ZNF236: variants seen among roughly 807,000 people sequenced by gnomAD.
The protein encoded by ZNF236 is regulated by glucose.
A neutral mutation model predicts 191.2 loss-of-function variants in ZNF236; 50 were observed. That is an observed-to-expected ratio of 0.26 (90% CI 0.21 to 0.33). The LOEUF is 0.33. Ranked by LOEUF, ZNF236 falls within the 10% of genes least tolerant of loss-of-function variation. The pLI, the probability that ZNF236 is intolerant of heterozygous loss-of-function variation, is 1.00. For missense variants in ZNF236, 1,754 were observed against 2,374.5 expected (o/e 0.74, Z 5.43); for synonymous variants, 907 against 928.8 (o/e 0.98, Z 0.43).
rs1968899882 is a variant in ZNF236, at chr18:76,970,934, G to T, written c.*2595G>T. On this transcript the variant is annotated 3_prime_UTR_variant, in exon 31 of 31. Coordinates refer to ENST00000320610, the MANE Select transcript of ZNF236 (RefSeq NM_001306089.2). Reference sequence around the variant, plus strand: ...CATGGCTCCGCGACAGCGAGCCGTGGGCGTCAGCACAGTGCCCTGTGCATG... The same window carrying T: ...CATGGCTCCGCGACAGCGAGCCGTGTGCGTCAGCACAGTGCCCTGTGCATG... Among the ~76,000 whole-genome samples, 1 of 152,260 alleles carries T rather than the reference G, an allele frequency of 6.6e-6. No individual in the cohort carries two copies. The highest frequency in any genetic ancestry group is 6.5e-5 in the Admixed American group (1 of 15,290).
rs1182269596 is a variant in ZNF236 at position 76,972,754 on chromosome 18, CTTT to C, written c.*4418_*4420del. Among the ~76,000 whole-genome samples the C allele has an allele frequency of 6.6e-5, 10 of 152,036 alleles. No individual in the cohort carries two copies. The highest frequency in any genetic ancestry group is 4.4e-5 in the Non-Finnish European group (3 of 68,006). ...TTTTTTTTAATTACAGAAGAATTCT[CTTT>C]TTATCTTCACAATTGTTTCATGATC... On this transcript the variant is annotated 3_prime_UTR_variant, in exon 31 of 31. Transcript: ENST00000320610.
intron 3 of ZNF236, among the ~76,000 whole-genome samples, chr18:76,865,950 A>C (rs147271648): frequency 4.2e-4 from 64 of 152,354 alleles, no homozygotes; most frequent in African/African-American, 1.4e-3. Flanking sequence ...ATTTTTAGTT[A>C]CTGCTCTATT....
rs1282921500 is a variant in ZNF236 at position 76,899,200 on chromosome 18, A to G, written c.1872A>G (p.Glu624=). The G allele has an allele frequency of 2.5e-6, 4 of 1,613,820 alleles. No individual in the cohort carries two copies. Among genetic ancestry groups the G allele is most frequent in the African/African-American group, 1.3e-5 (1 of 74,930 alleles). The change falls in exon 11 of 31, where the codon GAA becomes GAG. Residue 624 remains glutamate (E), a synonymous_variant. Transcript: ENST00000320610. The part of the protein sequence containing the change: ...NIPVPDIPLQ[E]PILITDLGLI... ...CAGTCCCTGATATTCCTTTGCAGGA[A>G]CCAATCCTCATAACTGACTTAGGTA...
intron 28 of ZNF236, among the ~76,000 whole-genome samples, chr18:76,959,085 C>T (rs993932112): frequency 6.6e-6 from 1 of 152,276 alleles, no homozygotes; most frequent in Non-Finnish European, 1.5e-5. Flanking sequence ...AATGCAGTAT[C>T]TCTGGCAAGT....
At chr18:76,854,788 C>T (rs1185184600) in intron 3 of ZNF236, among the ~76,000 whole-genome samples, 1 of 151,982 alleles carries the variant, frequency 6.6e-6, no homozygotes, top group Admixed American at 6.5e-5. Flanking sequence ...AGACTTTTTT[C>T]CCCCAAGTTC....
chr18:76,956,336 G>A (rs921561189), intron 28 of ZNF236, among the ~76,000 whole-genome samples, 154 bp downstream of exon 28: 4 of 152,200 alleles, frequency 2.6e-5, no homozygotes, highest in Non-Finnish European at 5.9e-5. Context: ...GTATTGTTCC[G>A]GTTGTAAGAG....
intron 5 of ZNF236, among the ~76,000 whole-genome samples, chr18:76,873,311 T>C (rs1179120861): frequency 6.6e-6 from 1 of 152,250 alleles, no homozygotes; most frequent in Non-Finnish European, 1.5e-5. Context: ...ACCGACATCA[T>C]GAGCATACTC....
chr18:76,844,736 G>T (rs900572129), intron 1 of ZNF236, among the ~76,000 whole-genome samples: 1 of 152,116 alleles, frequency 6.6e-6, no homozygotes, highest in Non-Finnish European at 1.5e-5. Flanking sequence ...GTTGGAACTC[G>T]GCATCCAGTA....
intron 9 of ZNF236, among the ~76,000 whole-genome samples, chr18:76,883,743 A>T (rs530512493): frequency 6.6e-6 from 1 of 152,136 alleles, no homozygotes; most frequent in African/African-American, 2.4e-5. Context: ...ACACGTTTCT[A>T]TATAAAGATG....
intron 6 of ZNF236, 37 bp from the exon 7 acceptor site, chr18:76,877,972 T>C (rs761639115): frequency 8.1e-6 from 12 of 1,473,336 alleles, no homozygotes; most frequent in African/African-American, 4.2e-5. Flanking sequence ...TAACAATTAA[T>C]TGTAAAACAT....
intron 19 of ZNF236, among the ~76,000 whole-genome samples, chr18:76,916,794 G>T: frequency 6.6e-6 from 1 of 152,198 alleles, no homozygotes; most frequent in East Asian, 1.9e-4. Context: ...GGCACAGTTG[G>T]TGCGCAGTGT....
chr18:76,948,086 G>T (rs528226636), intron 27 of ZNF236, among the ~76,000 whole-genome samples: 1 of 152,048 alleles, frequency 6.6e-6, no homozygotes, highest in Non-Finnish European at 1.5e-5. Context: ...GTGCGCGCGC[G>T]TGTGTTCAAG....
At chr18:76,824,377 T>A (rs1274047151) in intron 1 of ZNF236, 1 of 781,084 alleles carries the variant, frequency 1.3e-6, no homozygotes, top group Admixed American at 1.7e-5. Context: ...TGTGGGCTGC[T>A]GGAGAGATGT....
chr18:76,923,264 T>C, intron 21 of ZNF236, 90 bp downstream of exon 21: 1 of 871,792 alleles, frequency 1.1e-6, no homozygotes, highest in Non-Finnish European at 1.8e-6. Context: ...CATAAATACT[T>C]TCCAAATTAT....
At chr18:76,921,811 G>A (rs1047510076) in intron 20 of ZNF236, among the ~76,000 whole-genome samples, 3 of 132,808 alleles carry the variant, frequency 2.3e-5, no homozygotes, top group East Asian at 2.2e-4. Context: ...GCGTGGTCTC[G>A]GCTCAGTGCA....
At chr18:76,823,149 C>T (rs1002582591) in intron 1 of ZNF236, among the ~76,000 whole-genome samples, 6 of 151,828 alleles carry the variant, frequency 4.0e-5, no homozygotes, top group Admixed American at 1.3e-4. Context: ...GCGGCGCCGG[C>T]TGCCCCGGGG....
At chr18:76,874,369 A>G (rs1976659888) in intron 5 of ZNF236, among the ~76,000 whole-genome samples, 1 of 152,112 alleles carries the variant, frequency 6.6e-6, no homozygotes, top group South Asian at 2.1e-4. Context: ...TAGAAATTTA[A>G]GTAGCCTTGC....
chr18:76,839,764 C>T (rs1261811353), intron 1 of ZNF236, among the ~76,000 whole-genome samples: 5 of 152,080 alleles, frequency 3.3e-5, no homozygotes, highest in South Asian at 4.2e-4. Context: ...TTCTCTGTGG[C>T]GCTCTTTAGC....
intron 26 of ZNF236, among the ~76,000 whole-genome samples, chr18:76,941,194 G>T (rs916440351): frequency 2.6e-5 from 4 of 152,196 alleles, no homozygotes; most frequent in Non-Finnish European, 5.9e-5. Flanking sequence ...CTCCAAGCAG[G>T]TTCTTGAGGA....
Sources: allele counts gnomAD v4.1 joint callset (sites outside exome capture counted in the v4.1 genomes callset), GRCh38; gene constraint gnomAD v4.1.1; transcripts MANE v1.5; gene names NCBI Gene and HGNC (gene_info 2026-07-23, HGNC 2026-07-21).